SNX1: variants seen among roughly 807,000 people sequenced by gnomAD.
SNX1 encodes sorting nexin 1.
In SNX1, 36 loss-of-function variants were observed where a neutral mutation model predicts 71.8. The observed-to-expected ratio is 0.50, with a 90% CI of 0.38 to 0.66. The LOEUF (loss-of-function observed/expected upper bound fraction) is 0.66. Ranked by LOEUF, SNX1 falls within the 30% of genes least tolerant of loss-of-function variation. SNX1 has a pLI of 0.00. For missense variants in SNX1, 612 were observed against 646.7 expected, an observed-to-expected ratio of 0.95 and a Z score of 0.58; for synonymous variants, 254 against 240.7, an observed-to-expected ratio of 1.06 and a Z score of -0.51.
At position 64,143,571 on chromosome 15, in the gene SNX1, G is replaced by T. The variant is rs1030501439; in HGVS notation, c.*5953G>T. The T allele has an allele frequency of 6.6e-6, 1 of 152,124 alleles. No homozygotes were observed. The highest frequency in any genetic ancestry group is 1.5e-5 in the Non-Finnish European group (1 of 68,042). 9.4% of individuals were successfully genotyped at this position (152,124 alleles called of 1,614,324 possible). A position where few individuals can be genotyped will look rare whatever the true frequency, so the allele number is the denominator to read the frequency against. ...TCTCCCAGTCCTTCCCAACAGCGCC[G>T]ACACCTCATGGAAACTGATTGCAAA... On this transcript the variant is annotated 3_prime_UTR_variant, in exon 15 of 15. Coordinates refer to ENST00000559844, the MANE Select transcript of SNX1 (RefSeq NM_003099.5).
intron 7 of SNX1, among the ~76,000 whole-genome samples, chr15:64,127,497 A>G (rs997560906): frequency 2.0e-5 from 3 of 152,232 alleles, no homozygotes; most frequent in African/African-American, 7.2e-5. Context: ...AATCAATCAA[A>G]TATGAATGGC....
chr15:64,125,843 A>G (rs1018972236), intron 5 of SNX1, among the ~76,000 whole-genome samples: 3 of 152,134 alleles, frequency 2.0e-5, no homozygotes, highest in African/African-American at 7.2e-5. Flanking sequence ...ATAATCCTAT[A>G]TATTTTTTGC....
chr15:64,129,776 CA>C lies in SNX1; in HGVS notation c.808-139del, dbSNP rs1376461679. ...ATGGACATGTTAGTTGTGGATTCCTCAGACTGCCTTTGAAAACAATTTACAG... is the reference window on the plus strand; with the variant it reads ...ATGGACATGTTAGTTGTGGATTCCTCGACTGCCTTTGAAAACAATTTACAG... On this transcript the variant is annotated intron_variant, in intron 8 of 14. Coordinates refer to ENST00000559844, the MANE Select transcript of SNX1 (RefSeq NM_003099.5). The surrounding 1 kb of genome is among the most constrained non-coding windows in gnomAD (Gnocchi z 4.4). 3 of 637,794 alleles carry C rather than the reference CA, an allele frequency of 4.7e-6. No individual in the cohort carries two copies. Among genetic ancestry groups the C allele is most frequent in the Non-Finnish European group, 8.5e-6 (3 of 351,126 alleles). The allele number at this position is 637,794 out of a possible 1,614,324, so 39.5% of individuals were successfully genotyped here.
At chr15:64,106,331 T>G (rs953411904) in intron 1 of SNX1, among the ~76,000 whole-genome samples, 1 of 152,228 alleles carries the variant, frequency 6.6e-6, no homozygotes, top group Non-Finnish European at 1.5e-5. Flanking sequence ...CTCCTTAAGC[T>G]ATGGAGTTAA....
chr15:64,131,964 A>G, intron 11 of SNX1, 72 bp downstream of exon 11: 1 of 1,511,308 alleles, frequency 6.6e-7, no homozygotes, highest in East Asian at 2.3e-5. Context: ...CCCCTTCCCA[A>G]GACAGTTTCA....
Position 64,118,781 on chromosome 15 carries a change from G to C in SNX1, c.400-7G>C, listed in dbSNP as rs755949225. ...CAACTCTCATGATTTGTCTTTTCTT[G>C]AAAAAGCTAGAGGAAGAAGAACAGG... On this transcript the variant is annotated splice_polypyrimidine_tract_variant and splice_region_variant and intron_variant, in intron 3 of 14. Transcript: ENST00000559844. 1 of 1,608,482 alleles carries C rather than the reference G, an allele frequency of 6.2e-7. No individual in the cohort carries two copies. The highest frequency in any genetic ancestry group is 2.2e-5 in the East Asian group (1 of 44,670).
intron 7 of SNX1, among the ~76,000 whole-genome samples, 170 bp from the exon 8 acceptor site, chr15:64,127,561 G>C (rs140075433): frequency 8.3e-4 from 127 of 152,124 alleles, no homozygotes; most frequent in Non-Finnish European, 1.5e-3. Flanking sequence ...GAAATGTCAG[G>C]AATGTGAACT....
chr15:64,117,749 G>A (rs995944025), intron 2 of SNX1, among the ~76,000 whole-genome samples: 2 of 151,974 alleles, frequency 1.3e-5, no homozygotes, highest in Non-Finnish European at 2.9e-5. Flanking sequence ...CCCAGATCGT[G>A]CCACTGCACT....
At position 64,134,923 on chromosome 15, in the gene SNX1, A is replaced by C; in HGVS notation, c.1365+116A>C. 7.4e-7 allele frequency: 1 copy of C among 1,355,686 alleles called. No individual in the cohort carries two copies. The highest frequency in any genetic ancestry group is 1.0e-6 in the Non-Finnish European group (1 of 1,000,326). The allele number at this position is 1,355,686 out of a possible 1,614,324, so 84.0% of individuals were successfully genotyped here. On this transcript the variant is annotated intron_variant, in intron 12 of 14. Transcript: ENST00000559844. The surrounding 1 kb of genome is among the most constrained non-coding windows in gnomAD (Gnocchi z 4.1). ...GGGGGAAGAGCGCTGATTGAGTCTA[A>C]AGGGCCGTGGCTGCTGAGGAAGCCT...
chr15:64,119,753 C>CACA (rs1555491449), intron 4 of SNX1, among the ~76,000 whole-genome samples: 1 of 149,488 alleles, frequency 6.7e-6, no homozygotes, highest in East Asian at 2.0e-4. Flanking sequence ...CACACACACA[C>CACA]AAAAAACATT....
rs1421606603 is a variant in SNX1, at chr15:64,129,288, CT to C, written c.808-627del. Among the ~76,000 whole-genome samples the C allele has an allele frequency of 3.3e-5, 5 of 151,964 alleles. No individual in the cohort carries two copies. The highest frequency in any genetic ancestry group is 3.3e-4 in the Admixed American group (5 of 15,262). ...AACTACTGCCATAGAGTCCTGAACA[CT>C]AAAATCTGACTTTTTAGCATAGTGT... On this transcript the variant is annotated intron_variant, in intron 8 of 14. Coordinates refer to ENST00000559844, the MANE Select transcript of SNX1 (RefSeq NM_003099.5). The surrounding 1 kb of genome is among the most constrained non-coding windows in gnomAD (Gnocchi z 4.4).
Position 64,137,698 on chromosome 15 carries a change from T to A in SNX1, c.*80T>A. The A allele has an allele frequency of 1.9e-6, 3 of 1,604,080 alleles. No individual in the cohort carries two copies. The highest frequency in any genetic ancestry group is 1.7e-6 in the Non-Finnish European group (2 of 1,173,874). ...CTCCTCCACCTTGATGGACCCCTAG[T>A]GATGCATCCTGCCTAGGCTGGACTT... On this transcript the variant is annotated 3_prime_UTR_variant, in exon 15 of 15. Transcript: ENST00000559844.
chr15:64,108,960 G>A (rs528123118), intron 1 of SNX1, among the ~76,000 whole-genome samples: 2 of 149,856 alleles, frequency 1.3e-5, no homozygotes, highest in African/African-American at 2.5e-5. Context: ...TGCATTCCAG[G>A]CTAGGTGACA....
In SNX1 at chr15:64,128,297, A is replaced by G. The variant is rs142203775; in HGVS notation, c.807+491A>G. ...GAAGAATTAAGTAAAATATATCAAT[A>G]TAACCAAATACTTGATTCTCATCAT... On this transcript the variant is annotated intron_variant, in intron 8 of 14. Coordinates refer to ENST00000559844, the MANE Select transcript of SNX1 (RefSeq NM_003099.5). Among the ~76,000 whole-genome samples, 12 of 152,386 alleles carry G rather than the reference A, an allele frequency of 7.9e-5. No individual in the cohort carries two copies. The East Asian group carries it at 2.1e-3, about 27-fold the overall frequency.
At chr15:64,109,234 G>A (rs1287014788) in intron 1 of SNX1, among the ~76,000 whole-genome samples, 1 of 151,900 alleles carries the variant, frequency 6.6e-6, no homozygotes, top group Non-Finnish European at 1.5e-5. Context: ...TTAGTTGGGT[G>A]TGGTGGCACG....
chr15:64,123,056 G>C (rs969450346), intron 4 of SNX1, among the ~76,000 whole-genome samples: 1 of 152,164 alleles, frequency 6.6e-6, no homozygotes. Flanking sequence ...CCCAGAGCTA[G>C]CCTAGGGTAG....
chr15:64,096,697 T>C (rs2080905477), intron 1 of SNX1, among the ~76,000 whole-genome samples: 1 of 152,232 alleles, frequency 6.6e-6, no homozygotes, highest in South Asian at 2.1e-4. Context: ...TTGATTCTTC[T>C]GATCTCTAGG....
chr15:64,109,973 A>T (rs990073589), intron 1 of SNX1, among the ~76,000 whole-genome samples: 1 of 152,226 alleles, frequency 6.6e-6, no homozygotes, highest in Non-Finnish European at 1.5e-5. Flanking sequence ...TTAAGAATCT[A>T]TCCCAAGAAA....
intron 1 of SNX1, among the ~76,000 whole-genome samples, chr15:64,110,831 C>T (rs777672952): frequency 2.0e-5 from 3 of 152,156 alleles, no homozygotes; most frequent in Admixed American, 6.5e-5. Context: ...AACACTGCTC[C>T]GGAAAATATT....
Sources: gnomAD v4.1 joint callset for allele counts (sites outside exome capture counted in the v4.1 genomes callset) on GRCh38, gnomAD v4.1.1 for gene constraint, Gnocchi (gnomAD v3.1) non-coding constraint, MANE v1.5 for transcripts, NCBI Gene and HGNC (gene_info 2026-07-23, HGNC 2026-07-21) for gene names.